The following INSC variants were observed in gnomAD, a reference collection of about 807,000 sequenced individuals.
INSC encodes protein inscuteable homolog.
Under a neutral mutation model 58.6 loss-of-function variants are expected in INSC, and 67 were observed. The ratio of observed to expected loss-of-function variants is 1.14; its 90% CI spans 0.94 to 1.40. INSC has a LOEUF of 1.40. Among genes scored for constraint, INSC ranks in the 40% most tolerant of loss-of-function variants. The pLI, the probability that INSC is intolerant of heterozygous loss-of-function variation, is 0.00. For missense variants in INSC, 714 were observed against 692.0 expected, an observed-to-expected ratio of 1.03 and a Z score of -0.36; for synonymous variants, 262 against 276.1, an observed-to-expected ratio of 0.95 and a Z score of 0.51.
At chr11:15,113,145 C>CTTTCTTTCTTTCTTTCT (rs200716197), upstream of INSC, among the ~76,000 whole-genome samples, 1 of 133,514 alleles carries the variant, frequency 7.5e-6, no homozygotes, top group African/African-American at 2.8e-5. Flanking sequence ...TTCTTTCTTT[C>CTTTCTTTCTTTCTTTCT]TGTCTCTCTC....
chr11:15,228,466 TG>T (rs1420507410), intron 9 of INSC, among the ~76,000 whole-genome samples: 4 of 152,168 alleles, frequency 2.6e-5, no homozygotes, highest in African/African-American at 7.2e-5. Context: ...GTCCTCAGGA[TG>T]GCTTCACCTT....
intron 1 of INSC, among the ~76,000 whole-genome samples, chr11:15,147,252 C>T (rs1848516004): frequency 6.6e-6 from 1 of 152,114 alleles, no homozygotes; most frequent in Non-Finnish European, 1.5e-5. Flanking sequence ...TACTGGCTCA[C>T]CAGATTCCAA....
At chr11:15,267,338 C>T in the INSC span, among the ~76,000 whole-genome samples, 2 of 152,006 alleles carry the variant, frequency 1.3e-5, no homozygotes, top group Non-Finnish European at 1.5e-5. Flanking sequence ...CTGATTCACT[C>T]ATTCTTCTCT....
chr11:15,241,779 CTATT>C (rs1253329080), intron 12 of INSC: 10 of 581,308 alleles, frequency 1.7e-5, no homozygotes, highest in African/African-American at 1.1e-4. Context: ...AATTATTAAA[CTATT>C]TAAGTATGTG....
chr11:15,164,913 G>A (rs2133794811), intron 2 of INSC, among the ~76,000 whole-genome samples: 2 of 152,264 alleles, frequency 1.3e-5, no homozygotes, highest in South Asian at 4.1e-4. Context: ...CAGTTAAGAT[G>A]TGCCTTTCGC....
At chr11:15,188,113 G>A in intron 5 of INSC, 2 of 896,456 alleles carry the variant, frequency 2.2e-6, no homozygotes, top group Non-Finnish European at 2.7e-6. Context: ...CTCAGTTATA[G>A]CTTGGAGTAG....
chr11:15,156,958 A>G (rs941123754), intron 2 of INSC, among the ~76,000 whole-genome samples: 39 of 152,178 alleles, frequency 2.6e-4, no homozygotes, highest in African/African-American at 8.2e-4. Context: ...TACCTGGCCT[A>G]TAACCTGGTA....
intron 5 of INSC, among the ~76,000 whole-genome samples, chr11:15,185,095 C>A (rs1035568020): frequency 6.6e-6 from 1 of 152,158 alleles, no homozygotes; most frequent in Non-Finnish European, 1.5e-5. Context: ...ACAAATGATT[C>A]TGCAAGTCAA....
chr11:15,259,719 A>T, the INSC span, among the ~76,000 whole-genome samples: 2 of 152,172 alleles, frequency 1.3e-5, no homozygotes, highest in Non-Finnish European at 2.9e-5. Flanking sequence ...CTTTTTCTCA[A>T]AGAGATTAGA....
intron 12 of INSC, 132 bp from the exon 13 acceptor site, chr11:15,245,780 C>A: frequency 8.4e-7 from 1 of 1,189,436 alleles, no homozygotes; most frequent in Non-Finnish European, 1.2e-6. Flanking sequence ...AAGTGGCTAA[C>A]ATGATGATCA....
At chr11:15,250,720 G>A (rs1544268), downstream of INSC, among the ~76,000 whole-genome samples, 151,596 of 152,336 alleles carry the variant, frequency 1, 75,436 homozygotes, top group Middle Eastern at 1. Context: ...GCTTAAAACA[G>A]TAACAACTAC....
At chr11:15,126,856 T>C (rs1406898533) in intron 1 of INSC, among the ~76,000 whole-genome samples, 1 of 152,198 alleles carries the variant, frequency 6.6e-6, no homozygotes, top group East Asian at 1.9e-4. Flanking sequence ...GGTGTTAGGC[T>C]TGTCTCAGAG....
At chr11:15,211,612 C>G (rs1221534024) in intron 7 of INSC, among the ~76,000 whole-genome samples, 1 of 151,926 alleles carries the variant, frequency 6.6e-6, no homozygotes, top group East Asian at 1.9e-4. Flanking sequence ...TTGATTTTTC[C>G]AAAATTATGA....
downstream of INSC, chr11:15,247,255 G>T (rs1362154872): frequency 6.6e-6 from 1 of 152,052 alleles, no homozygotes; most frequent in Admixed American, 6.6e-5. Context: ...CCTGGGCTAA[G>T]CATCTAATTT....
At chr11:15,169,529 T>G (rs1291933163) in intron 2 of INSC, among the ~76,000 whole-genome samples, 1 of 138,718 alleles carries the variant, frequency 7.2e-6, no homozygotes, top group Non-Finnish European at 1.5e-5. Flanking sequence ...TTGTTGTTGT[T>G]GTTGTTTGTT....
chr11:15,164,928 T>A (rs895757083), intron 2 of INSC, among the ~76,000 whole-genome samples: 1 of 152,212 alleles, frequency 6.6e-6, no homozygotes, highest in Non-Finnish European at 1.5e-5. Flanking sequence ...TTTCGCCTTC[T>A]GCTATGATTG....
chr11:15,224,800 T>C (rs1438970606), intron 8 of INSC, among the ~76,000 whole-genome samples: 1 of 152,202 alleles, frequency 6.6e-6, no homozygotes, highest in Non-Finnish European at 1.5e-5. Context: ...AGGCCCTTAG[T>C]ACAATTACAG....
At chr11:15,140,471 G>A (rs546412824) in intron 1 of INSC, among the ~76,000 whole-genome samples, 1 of 152,230 alleles carries the variant, frequency 6.6e-6, no homozygotes, top group South Asian at 2.1e-4. Flanking sequence ...AGCCTTATTT[G>A]GATTTCCCAT....
At chr11:15,229,988 T>TATATATATATATATA (rs1851830642) in intron 9 of INSC, among the ~76,000 whole-genome samples, 1 of 29,280 alleles carries the variant, frequency 3.4e-5, no homozygotes, top group Admixed American at 6.3e-4. Context: ...ATTATATATA[T>TATATATATATATATA]ATATATATAT....
Sources: gnomAD v4.1 joint callset for allele counts (sites outside exome capture counted in the v4.1 genomes callset) on GRCh38, gnomAD v4.1.1 for gene constraint, MANE v1.5 for transcripts, NCBI Gene and HGNC (gene_info 2026-07-23, HGNC 2026-07-21) for gene names.